Variants in GAS2 observed in about 807,000 individuals in gnomAD.
The protein encoded by GAS2 is growth arrest specific 2.
GAS2 carries 20 observed loss-of-function variants against 37.5 expected under a neutral mutation model. The ratio of observed to expected loss-of-function variants is 0.53; its 90% CI spans 0.37 to 0.77. The LOEUF is 0.77. Ranked by LOEUF, GAS2 falls within the 30% of genes least tolerant of loss-of-function variation. The probability of loss-of-function intolerance (pLI) is 0.00; values close to 1 mark genes in which losing one functional copy is unlikely to be tolerated. For missense variants in GAS2, 336 were observed against 373.4 expected (o/e 0.90, Z 0.82); for synonymous variants, 144 against 132.2 (o/e 1.09, Z -0.61).
intron 3 of GAS2, among the ~76,000 whole-genome samples, chr11:22,721,391 C>T (rs1851940850): frequency 6.6e-6 from 1 of 151,990 alleles, no homozygotes; most frequent in Admixed American, 6.6e-5. Context: ...GGACATACTG[C>T]AGCATATATG....
intron 7 of GAS2, among the ~76,000 whole-genome samples, chr11:22,795,851 A>G (rs569671038): frequency 2.0e-5 from 3 of 152,262 alleles, no homozygotes; most frequent in East Asian, 3.9e-4. Flanking sequence ...TCAAAGACCA[A>G]TTTGAAAACT....
chr11:22,744,024 A>C (rs780377217), intron 5 of GAS2, among the ~76,000 whole-genome samples: 1 of 152,154 alleles, frequency 6.6e-6, no homozygotes, highest in Non-Finnish European at 1.5e-5. Flanking sequence ...CTAGGTACAC[A>C]AACTAGAAAC....
At chr11:22,684,298 G>T (rs1188028430) in intron 2 of GAS2, among the ~76,000 whole-genome samples, 1 of 152,216 alleles carries the variant, frequency 6.6e-6, no homozygotes, top group Non-Finnish European at 1.5e-5. Flanking sequence ...GGTGTCTGGA[G>T]AATGCCTCAG....
At chr11:22,725,441 A>G (rs529651023) in intron 3 of GAS2, among the ~76,000 whole-genome samples, 2 of 152,174 alleles carry the variant, frequency 1.3e-5, no homozygotes, top group South Asian at 2.1e-4. Flanking sequence ...AGAATGTTAT[A>G]TTTTTGATAG....
intron 1 of GAS2, among the ~76,000 whole-genome samples, chr11:22,635,841 T>C (rs1459851060): frequency 6.6e-6 from 1 of 152,206 alleles, no homozygotes; most frequent in Non-Finnish European, 1.5e-5. Context: ...TCTCATATAC[T>C]CTTTACCACT....
In GAS2 at chr11:22,773,494, C is replaced by T. The variant is rs182417644; in HGVS notation, c.723+17541C>T. On this transcript the variant is annotated intron_variant, in intron 7 of 7. Coordinates refer to ENST00000454584, the MANE Select transcript of GAS2 (RefSeq NM_001143830.3). The stretch of plus-strand genomic sequence containing the variant: ...CTGCAAGCTCCGCCTCCCGGATTCA[C>T]GCCATTCTCCTGCCTCAGCCTCCCG... Among the ~76,000 whole-genome samples, 597 of 149,010 alleles carry T rather than the reference C, an allele frequency of 4.0e-3. 3 individuals carry two copies. The highest frequency in any genetic ancestry group is 0.013 in the African/African-American group (536 of 40,408).
intron 1 of GAS2, among the ~76,000 whole-genome samples, chr11:22,627,902 C>CT (rs1244182374): frequency 6.6e-6 from 1 of 151,562 alleles, no homozygotes; most frequent in African/African-American, 2.4e-5. Context: ...TTGCAGGTAT[C>CT]TGAGTTGAAA....
Position 22,674,986 on chromosome 11 carries a change from T to A in GAS2, c.117T>A (p.Asp39Glu). 3 of 1,613,884 alleles carry A rather than the reference T, an allele frequency of 1.9e-6. No individual in the cohort carries two copies. Among genetic ancestry groups the A allele is most frequent in the Non-Finnish European group, 2.5e-6 (3 of 1,179,860 alleles). Reference protein sequence around the residue: ...HEANLLPMKEDLALWLTNLLG... With the variant: ...HEANLLPMKEELALWLTNLLG... ...CTAATTTGCTACCAATGAAAGAAGATCTGGCCTTGTGGTTAACCAATCTAT... is the reference window on the plus strand; with the variant it reads ...CTAATTTGCTACCAATGAAAGAAGAACTGGCCTTGTGGTTAACCAATCTAT... The change falls in exon 2 of 8, where the codon GAT becomes GAA. Residue 39 changes from aspartate (D) to glutamate (E), a missense_variant. Physicochemically the swap from Asp to Glu is conservative, Grantham distance 45. Coordinates refer to ENST00000454584, the MANE Select transcript of GAS2 (RefSeq NM_001143830.3).
chr11:22,702,445 G>T (rs1438420166), intron 3 of GAS2: 1 of 152,104 alleles, frequency 6.6e-6, no homozygotes, highest in Non-Finnish European at 1.5e-5. Flanking sequence ...AAAAATCTTT[G>T]GACAAGAGTA....
intron 5 of GAS2, among the ~76,000 whole-genome samples, chr11:22,739,748 A>T (rs566809640): frequency 6.6e-6 from 1 of 151,872 alleles, no homozygotes; most frequent in Non-Finnish European, 1.5e-5. Context: ...ACTTTTTTTT[A>T]GTTGACTATC....
At chr11:22,758,259 C>A (rs758687875) in intron 7 of GAS2, among the ~76,000 whole-genome samples, 23 of 152,190 alleles carry the variant, frequency 1.5e-4, no homozygotes, top group Non-Finnish European at 2.9e-4. Flanking sequence ...ACTAGGTGAA[C>A]AACTGCCTCA....
At chr11:22,725,573 T>G (rs1338576934) in intron 3 of GAS2, among the ~76,000 whole-genome samples, 3 of 152,018 alleles carry the variant, frequency 2.0e-5, no homozygotes, top group Non-Finnish European at 4.4e-5. Flanking sequence ...GGACCATAGA[T>G]GTACACAATA....
intron 3 of GAS2, chr11:22,688,221 T>A (rs1187924661): frequency 1.3e-5 from 2 of 152,200 alleles, no homozygotes; most frequent in Non-Finnish European, 2.9e-5. Flanking sequence ...ATGTATAGCT[T>A]CCATAGAGCA....
intron 1 of GAS2, among the ~76,000 whole-genome samples, chr11:22,636,330 A>G (rs1461184897): frequency 6.6e-6 from 1 of 152,194 alleles, no homozygotes; most frequent in Non-Finnish European, 1.5e-5. Flanking sequence ...AGGATCAGGA[A>G]AAGACGCTTT....
chr11:22,659,678 T>C (rs1243322350), intron 1 of GAS2, among the ~76,000 whole-genome samples: 2 of 151,350 alleles, frequency 1.3e-5, no homozygotes, highest in African/African-American at 4.8e-5. Context: ...AACTTATTTC[T>C]TTTCAAAAAT....
chr11:22,675,971 C>T (rs915551521), intron 2 of GAS2, among the ~76,000 whole-genome samples: 3 of 152,160 alleles, frequency 2.0e-5, no homozygotes, highest in Non-Finnish European at 2.9e-5. Context: ...TTTGCTTGCT[C>T]TCCATGGCTC....
At chr11:22,641,951 A>G (rs1264277217) in intron 1 of GAS2, among the ~76,000 whole-genome samples, 1 of 152,232 alleles carries the variant, frequency 6.6e-6, no homozygotes, top group Non-Finnish European at 1.5e-5. Flanking sequence ...TTTTCATAAA[A>G]GTAATTAAAT....
intron 1 of GAS2, among the ~76,000 whole-genome samples, chr11:22,643,523 G>T (rs1339108446): frequency 6.7e-6 from 1 of 149,296 alleles, no homozygotes; most frequent in Admixed American, 6.7e-5. Flanking sequence ...AAATTATTTT[G>T]AAACTACCTA....
At chr11:22,708,701 T>C (rs1397793402) in intron 3 of GAS2, among the ~76,000 whole-genome samples, 2 of 152,196 alleles carry the variant, frequency 1.3e-5, no homozygotes, top group Non-Finnish European at 2.9e-5. Flanking sequence ...GGTATTACAC[T>C]AGGTGCTAGG....
Sources: gnomAD v4.1 joint callset for allele counts (sites outside exome capture counted in the v4.1 genomes callset) on GRCh38, gnomAD v4.1.1 for gene constraint, MANE v1.5 for transcripts, NCBI Gene and HGNC (gene_info 2026-07-23, HGNC 2026-07-21) for gene names.